The following TYK2 variants were observed in gnomAD, a reference collection of about 807,000 sequenced individuals.
The protein encoded by TYK2 is tyrosine kinase 2, also known as non-receptor tyrosine-protein kinase TYK2.
A neutral mutation model predicts 130.9 loss-of-function variants in TYK2; 65 were observed. That is an observed-to-expected ratio of 0.50 (90% CI 0.41 to 0.61). The LOEUF (loss-of-function observed/expected upper bound fraction) is 0.61, where lower values mean the gene tolerates loss of function less well. Among genes scored for constraint, TYK2 ranks in the 20% least tolerant of loss-of-function variants. The pLI is 0.00. For missense variants in TYK2, 1,378 were observed against 1,610.7 expected (o/e 0.86, Z 2.47); for synonymous variants, 647 against 658.9 (o/e 0.98, Z 0.28).
chr19:10,353,665 G>A lies in TYK2; in HGVS notation c.2909-19C>T. On this transcript the variant is annotated intron_variant, in intron 20 of 24. Coordinates refer to ENST00000525621, the MANE Select transcript of TYK2 (RefSeq NM_003331.5). The surrounding 1 kb of genome is among the most constrained non-coding windows in gnomAD (Gnocchi z 6.9). ...TTCTCGCCTGCCGCGGAGAGGGGCG[G>A]CCCCGGTGGGGGACGATAGAGGGCG... 3 of 1,465,150 alleles carry A rather than the reference G, an allele frequency of 2.0e-6. No homozygotes were observed. The highest frequency in any genetic ancestry group is 1.5e-5 in the South Asian group (1 of 66,594). The allele number at this position is 1,465,150 out of a possible 1,614,324, so 90.8% of individuals were successfully genotyped here. A position where few individuals can be genotyped will look rare whatever the true frequency, so the allele number is the denominator to read the frequency against.
rs368063164 is a variant in TYK2 at position 10,357,976 on chromosome 19, T to C, written c.2311+27A>G. 2.5e-5 allele frequency: 41 copies of C among 1,613,356 alleles called. No individual in the cohort carries two copies. In the African/African-American group the frequency reaches 4.5e-4, roughly 18 times the overall value. ...GAAAGGAGCAGGGGAAGCCCCCCAC[T>C]GTGCCCAGGTCCCCTCAGGTACTCA... On this transcript the variant is annotated intron_variant, in intron 16 of 24. Transcript: ENST00000525621.
chr19:10,356,432 CTTATG>C (rs2041104340), intron 18 of TYK2, 131 bp downstream of exon 18: 1 of 1,081,054 alleles, frequency 9.3e-7, no homozygotes, highest in Non-Finnish European at 1.4e-6. Context: ...GCAGGGCATG[CTTATG>C]AATGCCACTG....
chr19:10,353,326 G>T lies in TYK2; in HGVS notation c.3027+202C>A. The T allele has an allele frequency of 1.7e-6, 1 of 574,622 alleles. No individual in the cohort carries two copies. Among genetic ancestry groups the T allele is most frequent in the Non-Finnish European group, 3.0e-6 (1 of 332,862 alleles). 35.6% of individuals were successfully genotyped at this position (574,622 alleles called of 1,614,324 possible). Reference sequence around the variant, plus strand: ...TGGGCAGGAGGGCGAGTTGGGAGGGGCCGAGCCGGCTGTGCGTGGTCCCTT... The same window carrying T: ...TGGGCAGGAGGGCGAGTTGGGAGGGTCCGAGCCGGCTGTGCGTGGTCCCTT... On this transcript the variant is annotated intron_variant, in intron 21 of 24. Coordinates refer to ENST00000525621, the MANE Select transcript of TYK2 (RefSeq NM_003331.5). This position sits in a 1 kb window ranked among gnomAD's most constrained non-coding sequence, Gnocchi z 6.9.
rs1423733861 is a variant in TYK2 at position 10,353,114 on chromosome 19, G to A, written c.3028-16C>T. On this transcript the variant is annotated splice_polypyrimidine_tract_variant and intron_variant, in intron 21 of 24. Coordinates refer to ENST00000525621, the MANE Select transcript of TYK2 (RefSeq NM_003331.5). This position sits in a 1 kb window ranked among gnomAD's most constrained non-coding sequence, Gnocchi z 6.9. ...AGGCCATGCCCTGGGGACGGGGCAG[G>A]GCTCGTGAGTTTCAGTGGGGCGGGG... The A allele has an allele frequency of 1.3e-6, 2 of 1,502,648 alleles. No homozygotes were observed. The highest frequency in any genetic ancestry group is 1.8e-6 in the Non-Finnish European group (2 of 1,123,020). The allele number at this position is 1,502,648 out of a possible 1,614,324, so 93.1% of individuals were successfully genotyped here. A position where few individuals can be genotyped will look rare whatever the true frequency, so the allele number is the denominator to read the frequency against.
At chr19:10,375,735 T>C (rs1313899318) in intron 3 of TYK2, among the ~76,000 whole-genome samples, 1 of 140,162 alleles carries the variant, frequency 7.1e-6, no homozygotes, top group Admixed American at 7.6e-5. Flanking sequence ...GCTAACACGG[T>C]GAAACCCCAC....
Position 10,354,033 on chromosome 19 carries a change from C to A in TYK2, c.2908+9G>T. On this transcript the variant is annotated intron_variant, in intron 20 of 24. Transcript: ENST00000525621. ...CTCAAGTCTCTAGGACTCGCCGGGT[C>A]CCGCCCACCTTGGTCCTCGCAGCAG... The A allele has an allele frequency of 6.2e-7, 1 of 1,613,876 alleles. No homozygotes were observed. Among genetic ancestry groups the A allele is most frequent in the South Asian group, 1.1e-5 (1 of 91,054 alleles).
intron 3 of TYK2, among the ~76,000 whole-genome samples, chr19:10,376,312 C>A (rs2042119920): frequency 9.7e-6 from 1 of 103,270 alleles, no homozygotes; most frequent in Non-Finnish European, 2.0e-5. Context: ...CGCACCTGGC[C>A]TTTTTTTATT....
rs2040963961 is a variant in TYK2 at position 10,354,189 on chromosome 19, C to T, written c.2761G>A (p.Asp921Asn). ...VSLYCYDPTN[D>N]GTGEMVAVKA... is the part of the protein sequence containing the mutation. ...ACCGCCACCATCTCGCCAGTGCCGT[C>T]GTTGGTCGGATCGTAGCAGTACAAG... Residue 921 changes from aspartate to asparagine, a missense_variant, in exon 20 of 25, where the codon GAC becomes AAC. Physicochemically the swap from Asp to Asn is conservative, Grantham distance 23. Transcript: ENST00000525621. The T allele has an allele frequency of 6.2e-7, 1 of 1,613,748 alleles. No homozygotes were observed. Among genetic ancestry groups the T allele is most frequent in the Non-Finnish European group, 8.5e-7 (1 of 1,180,020 alleles).
chr19:10,359,942 C>T (rs907643201), intron 14 of TYK2, among the ~76,000 whole-genome samples: 7 of 151,488 alleles, frequency 4.6e-5, no homozygotes, highest in Non-Finnish European at 7.4e-5. Flanking sequence ...TGGTGGGAGA[C>T]GGAGCTTGCA....
At chr19:10,355,244 A>G (rs1048120512) in intron 18 of TYK2, among the ~76,000 whole-genome samples, 1 of 151,560 alleles carries the variant, frequency 6.6e-6, no homozygotes, top group Non-Finnish European at 1.5e-5. Context: ...GTGAGCCATG[A>G]TCGTGCCTCT....
At chr19:10,358,731 C>T (rs2041237605) in intron 15 of TYK2, among the ~76,000 whole-genome samples, 1 of 151,706 alleles carries the variant, frequency 6.6e-6, no homozygotes, top group Non-Finnish European at 1.5e-5. Flanking sequence ...GCTGGGATTA[C>T]AGGTATGAGC....
At chr19:10,370,368 G>A (rs2041861614) in intron 3 of TYK2, among the ~76,000 whole-genome samples, 1 of 150,714 alleles carries the variant, frequency 6.6e-6, no homozygotes, top group Admixed American at 6.6e-5. Flanking sequence ...AAAAAAATTG[G>A]CTGGCCATGG....
In TYK2 at chr19:10,353,931, T is replaced by A; in HGVS notation, c.2908+111A>T. ...ATGCCAAGAACCGCGTACTGCAGCC[T>A]GGGGTTGAGAGTCTCTAATTGGCTA... On this transcript the variant is annotated intron_variant, in intron 20 of 24. Coordinates refer to ENST00000525621, the MANE Select transcript of TYK2 (RefSeq NM_003331.5). The surrounding 1 kb of genome is among the most constrained non-coding windows in gnomAD (Gnocchi z 6.9). 2.5e-6 allele frequency: 3 copies of A among 1,184,406 alleles called. No individual in the cohort carries two copies. Among genetic ancestry groups the A allele is most frequent in the African/African-American group, 3.0e-5 (2 of 66,204 alleles). The allele number at this position is 1,184,406 out of a possible 1,614,324, so 73.4% of individuals were successfully genotyped here.
chr19:10,379,478 T>C (rs1048793351), intron 2 of TYK2, 137 bp downstream of exon 2: 25 of 150,744 alleles, frequency 1.7e-4, no homozygotes, highest in Admixed American at 1.7e-3. Context: ...TTGACCAACA[T>C]GGTGAAACCC....
At chr19:10,374,101 C>T (rs1349933158) in intron 3 of TYK2, among the ~76,000 whole-genome samples, 1 of 151,958 alleles carries the variant, frequency 6.6e-6, no homozygotes, top group Non-Finnish European at 1.5e-5. Context: ...CCTGTCTCTA[C>T]TAAAAATACA....
At chr19:10,367,259 T>A (rs1009409493) in intron 5 of TYK2, among the ~76,000 whole-genome samples, 1 of 152,070 alleles carries the variant, frequency 6.6e-6, no homozygotes, top group East Asian at 1.9e-4. Flanking sequence ...ATACACAGCA[T>A]ACACCCCTCC....
intron 9 of TYK2, among the ~76,000 whole-genome samples, chr19:10,363,187 CTTTTTTTT>C (rs942594471): frequency 4.7e-5 from 6 of 127,704 alleles, no homozygotes; most frequent in African/African-American, 1.5e-4. Context: ...CCTGATCTCT[CTTTTTTTT>C]TTTTTTTTTT....
Position 10,352,431 on chromosome 19 carries a change from C to T in TYK2, c.3318+3G>A. 6.2e-7 allele frequency: 1 copy of T among 1,602,598 alleles called. No homozygotes were observed. The highest frequency in any genetic ancestry group is 8.5e-7 in the Non-Finnish European group (1 of 1,170,376). ...CCGGTGGGGCTGCGGGCCTGGCTCT[C>T]ACCGTGGGGGGGCTCTGGCTGGAGT... On this transcript the variant is annotated splice_donor_region_variant and intron_variant, in intron 23 of 24. Transcript: ENST00000525621.
chr19:10,369,670 C>A, intron 3 of TYK2: 1 of 448,626 alleles, frequency 2.2e-6, no homozygotes, highest in Admixed American at 2.4e-5. Flanking sequence ...AAACCTCAAC[C>A]CCAATCCAGT....
Sources: allele counts gnomAD v4.1 joint callset (sites outside exome capture counted in the v4.1 genomes callset), GRCh38; gene constraint gnomAD v4.1.1; non-coding constraint Gnocchi (gnomAD v3.1); transcripts MANE v1.5; gene names NCBI Gene and HGNC (gene_info 2026-07-23, HGNC 2026-07-21).